Variants in XXYLT1 observed in about 807,000 individuals in gnomAD.
XXYLT1 encodes xyloside xylosyltransferase 1, also known as UDP-xylose:alpha-xyloside alpha-1,3-xylosyltransferase.
A neutral mutation model predicts 28.9 loss-of-function variants in XXYLT1; 20 were observed. That is an observed-to-expected ratio of 0.69 (90% CI 0.49 to 1.00). XXYLT1 has a LOEUF of 1.00. XXYLT1 is among the 50% of genes least tolerant of loss of function. The pLI is 0.00. For missense variants in XXYLT1, 542 were observed against 560.1 expected, an observed-to-expected ratio of 0.97 and a Z score of 0.33; for synonymous variants, 257 against 253.8, an observed-to-expected ratio of 1.01 and a Z score of -0.12.
chr3:195,104,085 T>C (rs1716954027), intron 3 of XXYLT1, among the ~76,000 whole-genome samples: 2 of 152,084 alleles, frequency 1.3e-5, no homozygotes, highest in Non-Finnish European at 2.9e-5. Flanking sequence ...CAGTTTAGAA[T>C]GGGAGCAATG....
chr3:195,162,014 G>A lies in XXYLT1; in HGVS notation c.653-5433C>T, dbSNP rs1012780563. Among the ~76,000 whole-genome samples the A allele has an allele frequency of 2.6e-5, 4 of 151,838 alleles. No homozygotes were observed. In the South Asian group the frequency reaches 6.2e-4, roughly 24 times the overall value. On this transcript the variant is annotated intron_variant, in intron 2 of 3. Transcript: ENST00000310380. ...TGAGGCAGGAGGATCACTTGAGCTCGGGAATCTGAGGCTGCAGTGAGCTGT... is the reference window on the plus strand; with the variant it reads ...TGAGGCAGGAGGATCACTTGAGCTCAGGAATCTGAGGCTGCAGTGAGCTGT...
chr3:195,101,023 G>A (rs56879987), intron 3 of XXYLT1, among the ~76,000 whole-genome samples: 6,049 of 152,338 alleles, frequency 0.04, 195 homozygotes, highest in East Asian at 0.21. Context: ...TCCACAGAGC[G>A]GCCCACAGCC....
At chr3:195,239,460 A>C (rs988612131) in intron 1 of XXYLT1, among the ~76,000 whole-genome samples, 4 of 152,184 alleles carry the variant, frequency 2.6e-5, no homozygotes, top group Non-Finnish European at 5.9e-5. Context: ...AGAACATACA[A>C]CCTGGGAAAC....
At chr3:195,084,938 A>G (rs1164172973) in intron 3 of XXYLT1, among the ~76,000 whole-genome samples, 1 of 152,228 alleles carries the variant, frequency 6.6e-6, no homozygotes, top group Non-Finnish European at 1.5e-5. Flanking sequence ...AGCTCCTGCC[A>G]GTTGCAGAAG....
intron 3 of XXYLT1, among the ~76,000 whole-genome samples, chr3:195,118,321 G>T (rs374529877): frequency 2.8e-4 from 42 of 152,346 alleles, no homozygotes; most frequent in African/African-American, 9.6e-4. Context: ...AGAGCAGGGT[G>T]GGGAGGAAGG....
At chr3:195,096,977 G>C (rs887578413) in intron 3 of XXYLT1, among the ~76,000 whole-genome samples, 3 of 152,232 alleles carry the variant, frequency 2.0e-5, no homozygotes, top group African/African-American at 7.2e-5. Flanking sequence ...GGGTGAAAAT[G>C]GTCAGGCTGC....
intron 2 of XXYLT1, among the ~76,000 whole-genome samples, chr3:195,215,110 C>T (rs1379898412): frequency 6.6e-6 from 1 of 150,978 alleles, no homozygotes; most frequent in Non-Finnish European, 1.5e-5. Flanking sequence ...ACTTTACAGA[C>T]AAGCAAATGC....
chr3:195,248,570 C>T (rs1725127692), intron 1 of XXYLT1, among the ~76,000 whole-genome samples: 1 of 152,200 alleles, frequency 6.6e-6, no homozygotes, highest in Admixed American at 6.5e-5. Flanking sequence ...CCTTGCCTTC[C>T]ACTATGATTG....
At chr3:195,139,132 G>A (rs1719351738) in intron 3 of XXYLT1, among the ~76,000 whole-genome samples, 1 of 152,162 alleles carries the variant, frequency 6.6e-6, no homozygotes, top group African/African-American at 2.4e-5. Context: ...CCAATGTCTA[G>A]CATACAGCAG....
chr3:195,157,556 A>G (rs1720667917), intron 2 of XXYLT1, among the ~76,000 whole-genome samples: 1 of 152,196 alleles, frequency 6.6e-6, no homozygotes, highest in African/African-American at 2.4e-5. Flanking sequence ...GGCTAGAAGC[A>G]CAGGAGGGAG....
At chr3:195,104,801 C>CA (rs912417054) in intron 3 of XXYLT1, among the ~76,000 whole-genome samples, 7 of 151,958 alleles carry the variant, frequency 4.6e-5, no homozygotes, top group Non-Finnish European at 7.4e-5. Context: ...CAAAAACAAA[C>CA]AAAAAAAACC....
At chr3:195,149,368 C>A (rs185957591) in intron 3 of XXYLT1, among the ~76,000 whole-genome samples, 1 of 152,198 alleles carries the variant, frequency 6.6e-6, no homozygotes, top group Admixed American at 6.5e-5. Context: ...AGGGCATAGT[C>A]GGCTTGAAAA....
At chr3:195,108,879 T>C (rs569245407) in intron 3 of XXYLT1, among the ~76,000 whole-genome samples, 52 of 152,354 alleles carry the variant, frequency 3.4e-4, no homozygotes, top group Non-Finnish European at 6.3e-4. Context: ...AATCCAAGGA[T>C]GTCCTTACAA....
Position 195,125,228 on chromosome 3 carries a change from C to T in XXYLT1, c.785+31221G>A, listed in dbSNP as rs1283603954. ...AAGAGCAGGGGAGGGGACCCGGCTC[C>T]GACAGGGAGCTGAACTGATATTCAG... On this transcript the variant is annotated intron_variant, in intron 3 of 3. Transcript: ENST00000310380. Among the ~76,000 whole-genome samples the T allele has an allele frequency of 3.3e-5, 5 of 152,254 alleles. No homozygotes were observed. The East Asian group carries it at 9.6e-4, about 29-fold the overall frequency.
chr3:195,126,625 G>A (rs764372952), intron 3 of XXYLT1, among the ~76,000 whole-genome samples: 2 of 151,740 alleles, frequency 1.3e-5, no homozygotes, highest in South Asian at 2.1e-4. Context: ...AAGGAAGCAC[G>A]CAGGGACAGA....
rs934629681 is a variant in XXYLT1, at chr3:195,180,052, G to A, written c.653-23471C>T. On this transcript the variant is annotated intron_variant, in intron 2 of 3. Coordinates refer to ENST00000310380, the MANE Select transcript of XXYLT1 (RefSeq NM_152531.5). This position sits in a 1 kb window ranked among gnomAD's most constrained non-coding sequence, Gnocchi z 5.8. ...CCAGGGTGCGGCTGAGTGACGGAGC[G>A]CCTGGTGAGGGACAGAAGAATCTCT... Among the ~76,000 whole-genome samples, 2 of 152,142 alleles carry A rather than the reference G, an allele frequency of 1.3e-5. No homozygotes were observed. Among genetic ancestry groups the A allele is most frequent in the South Asian group, 2.1e-4 (1 of 4,830 alleles).
At chr3:195,229,578 A>G (rs2108806296) in intron 1 of XXYLT1, among the ~76,000 whole-genome samples, 1 of 152,236 alleles carries the variant, frequency 6.6e-6, no homozygotes, top group South Asian at 2.1e-4. Flanking sequence ...CATCATTCTA[A>G]TCTCCATCTC....
chr3:195,147,287 A>C (rs1003034073), intron 3 of XXYLT1, among the ~76,000 whole-genome samples: 3 of 152,174 alleles, frequency 2.0e-5, no homozygotes, highest in African/African-American at 7.2e-5. Context: ...AACTGAGAAT[A>C]GGCTGGGCAT....
At chr3:195,139,468 G>T (rs1487649748) in intron 3 of XXYLT1, among the ~76,000 whole-genome samples, 1 of 152,188 alleles carries the variant, frequency 6.6e-6, no homozygotes, top group Non-Finnish European at 1.5e-5. Flanking sequence ...ATTTGGCAAA[G>T]GTACCTCCAC....
Sources: allele counts gnomAD v4.1 joint callset (sites outside exome capture counted in the v4.1 genomes callset), GRCh38; gene constraint gnomAD v4.1.1; non-coding constraint Gnocchi (gnomAD v3.1); transcripts MANE v1.5; gene names NCBI Gene and HGNC (gene_info 2026-07-23, HGNC 2026-07-21).